Variants in NEBL observed in about 807,000 individuals in gnomAD.
The protein encoded by NEBL is LIM and SH3 protein 2.
In NEBL, 122 loss-of-function variants were observed where a neutral mutation model predicts 140.2. The observed-to-expected ratio is 0.87, with a 90% confidence interval of 0.75 to 1.01. NEBL has a LOEUF of 1.01. NEBL is among the 50% of genes least tolerant of loss of function. The pLI is 0.00. For synonymous variants in NEBL, 436 were observed against 398.9 expected, an observed-to-expected ratio of 1.09 and a Z score of -1.11; for missense variants, 1,365 against 1,231.3, an observed-to-expected ratio of 1.11 and a Z score of -1.62.
chr10:20,934,111 C>T (rs747706285), intron 4 of NEBL, among the ~76,000 whole-genome samples: 2 of 152,172 alleles, frequency 1.3e-5, no homozygotes, highest in Non-Finnish European at 2.9e-5. Flanking sequence ...AGTTCTCACT[C>T]CCTGCTTCAG....
chr10:21,120,631 C>T (rs1011055480), intron 2 of NEBL, among the ~76,000 whole-genome samples: 48 of 141,084 alleles, frequency 3.4e-4, no homozygotes, highest in Admixed American at 2.8e-3. Flanking sequence ...TCCCATCATC[C>T]TTCTATATTT....
In NEBL at chr10:20,994,885, G is replaced by C. The variant is rs541043142; in HGVS notation, c.249+25232C>G. On this transcript the variant is annotated intron_variant, in intron 3 of 6. Coordinates refer to the NEBL transcript ENST00000417816. ...AGTGGGCTGAGGAGGAGGAGGTAGA[G>C]GGGGGGGTTGGTCTTGCTGTCTCAG... Among the ~76,000 whole-genome samples the C allele has an allele frequency of 5.2e-5, 7 of 134,532 alleles. No individual in the cohort carries two copies. The South Asian group carries it at 9.4e-4, about 18-fold the overall frequency. 88.3% of individuals were successfully genotyped at this position (134,532 alleles called of 152,430 possible).
intron 3 of NEBL, among the ~76,000 whole-genome samples, chr10:21,203,328 A>G (rs1841773141): frequency 6.6e-6 from 1 of 152,158 alleles, no homozygotes; most frequent in Non-Finnish European, 1.5e-5. Context: ...AGAACTCCTG[A>G]GCTAAGTATT....
intron 2 of NEBL, among the ~76,000 whole-genome samples, chr10:21,163,287 A>T (rs1411041525): frequency 1.3e-5 from 2 of 152,190 alleles, no homozygotes. Flanking sequence ...TTTTCAGAAA[A>T]TAACTGTGGT....
chr10:21,188,726 G>A (rs1055693198), intron 3 of NEBL, among the ~76,000 whole-genome samples: 10 of 150,330 alleles, frequency 6.7e-5, no homozygotes, highest in African/African-American at 1.7e-4. Context: ...TCAGCCTCCC[G>A]GGTACAGGCC....
intron 18 of NEBL, among the ~76,000 whole-genome samples, chr10:20,824,656 T>C (rs7896127): frequency 0.07 from 10,585 of 152,250 alleles, 421 homozygotes; most frequent in Middle Eastern, 0.13. Context: ...CTCATGCAGA[T>C]ACAGAACTAT....
chr10:21,196,313 T>TTATA (rs1554832542), intron 3 of NEBL, among the ~76,000 whole-genome samples: 7 of 140,588 alleles, frequency 5.0e-5, no homozygotes, highest in South Asian at 2.3e-4. Flanking sequence ...ATATTTTTAT[T>TTATA]TTTATTTATT....
At chr10:20,922,128 C>G (rs530284937) in intron 4 of NEBL, among the ~76,000 whole-genome samples, 1 of 152,232 alleles carries the variant, frequency 6.6e-6, no homozygotes, top group East Asian at 1.9e-4. Context: ...CACAAAGAAG[C>G]AACAGGGTCA....
chr10:21,142,781 G>A (rs1839698915), intron 2 of NEBL, among the ~76,000 whole-genome samples: 1 of 152,074 alleles, frequency 6.6e-6, no homozygotes, highest in Non-Finnish European at 1.5e-5. Flanking sequence ...AACTGCGCGT[G>A]TGAGGGATCC....
chr10:21,094,774 A>G (rs1055105687), intron 2 of NEBL, among the ~76,000 whole-genome samples: 6 of 152,186 alleles, frequency 3.9e-5, no homozygotes, highest in Non-Finnish European at 7.3e-5. Flanking sequence ...TCAGATGACA[A>G]AGCAAGGTCA....
rs553354163 is a variant in NEBL at position 20,782,712 on chromosome 10, T to C, written c.*3035A>G. ...CTGGGATCATCAAGAGCCTCCTCCA[T>C]GGGCAGTTGATAACCAAATAAATAT... On this transcript the variant is annotated 3_prime_UTR_variant, in exon 28 of 28. Transcript: ENST00000377122. 6.6e-6 allele frequency: 1 copy of C among 152,314 alleles called. No homozygotes were observed. Among genetic ancestry groups the C allele is most frequent in the African/African-American group, 2.4e-5 (1 of 41,580 alleles). The allele number at this position is 152,314 out of a possible 1,614,324, so 9.4% of individuals were successfully genotyped here.
At chr10:21,019,021 C>T (rs1017329182) in intron 3 of NEBL, among the ~76,000 whole-genome samples, 1 of 152,066 alleles carries the variant, frequency 6.6e-6, no homozygotes, top group Admixed American at 6.6e-5. Context: ...AGCAAGACTC[C>T]GTTCTCCCAC....
At chr10:21,240,741 T>G (rs1842427837) in intron 3 of NEBL, among the ~76,000 whole-genome samples, 1 of 152,202 alleles carries the variant, frequency 6.6e-6, no homozygotes, top group Non-Finnish European at 1.5e-5. Flanking sequence ...TGTTACAAGT[T>G]CAGAATATAA....
At chr10:21,017,911 C>T (rs1319172385) in intron 3 of NEBL, among the ~76,000 whole-genome samples, 1 of 152,012 alleles carries the variant, frequency 6.6e-6, no homozygotes, top group East Asian at 1.9e-4. Flanking sequence ...GCAACCTCCA[C>T]CTCCCATGTT....
intron 2 of NEBL, among the ~76,000 whole-genome samples, chr10:21,055,055 G>A (rs1834950020): frequency 6.6e-6 from 1 of 152,160 alleles, no homozygotes; most frequent in African/African-American, 2.4e-5. Flanking sequence ...AATGTATCCA[G>A]TTAGTTTCAA....
At chr10:21,075,850 C>T (rs1465587521) in intron 2 of NEBL, among the ~76,000 whole-genome samples, 2 of 151,992 alleles carry the variant, frequency 1.3e-5, no homozygotes, top group African/African-American at 4.8e-5. Flanking sequence ...ACGAACAACC[C>T]CATTTAAAAA....
At chr10:20,924,474 C>A (rs1833775124) in intron 4 of NEBL, among the ~76,000 whole-genome samples, 1 of 135,234 alleles carries the variant, frequency 7.4e-6, no homozygotes, top group African/African-American at 2.7e-5. Context: ...CTTCGTTCAC[C>A]AAAATAAGCT....
chr10:20,959,363 C>G (rs1835947671), intron 4 of NEBL, among the ~76,000 whole-genome samples: 1 of 152,130 alleles, frequency 6.6e-6, no homozygotes, highest in South Asian at 2.1e-4. Context: ...TAGACACTTT[C>G]TCACCTGTTT....
chr10:21,149,265 G>A (rs950408908), intron 2 of NEBL, among the ~76,000 whole-genome samples: 1 of 152,072 alleles, frequency 6.6e-6, no homozygotes, highest in African/African-American at 2.4e-5. Flanking sequence ...TACGCACCTC[G>A]TCGTCGGTAT....
Sources: allele counts gnomAD v4.1 joint callset (sites outside exome capture counted in the v4.1 genomes callset), GRCh38; gene constraint gnomAD v4.1.1; transcripts MANE v1.5; gene names NCBI Gene and HGNC (gene_info 2026-07-23, HGNC 2026-07-21).